Variants in METTL15 observed in about 807,000 individuals in gnomAD.
METTL15 encodes 12S rRNA N(4)-cytidine methyltransferase METTL15.
Under a neutral mutation model 38.3 loss-of-function variants are expected in METTL15, and 34 were observed. The ratio of observed to expected loss-of-function variants is 0.89; its 90% CI spans 0.68 to 1.18. The LOEUF (loss-of-function observed/expected upper bound fraction) is 1.18. Among genes scored for constraint, METTL15 ranks in the 50% most tolerant of loss-of-function variants. The probability of loss-of-function intolerance (pLI) is 0.00; values close to 1 mark genes in which losing one functional copy is unlikely to be tolerated. For missense variants in METTL15, 438 were observed against 498.4 expected, an observed-to-expected ratio of 0.88 and a Z score of 1.15; for synonymous variants, 162 against 170.9, an observed-to-expected ratio of 0.95 and a Z score of 0.41.
At chr11:28,281,389 C>T (rs1743087614) in intron 4 of METTL15, among the ~76,000 whole-genome samples, 1 of 152,158 alleles carries the variant, frequency 6.6e-6, no homozygotes, top group Admixed American at 6.5e-5. Context: ...AAGTTCTCCT[C>T]AGTTTCTTCA....
At chr11:28,357,656 TATC>T (rs1302650662) in intron 4 of METTL15, among the ~76,000 whole-genome samples, 2 of 152,184 alleles carry the variant, frequency 1.3e-5, no homozygotes, top group African/African-American at 4.8e-5. Flanking sequence ...GCTCAATAAA[TATC>T]AACCATCTCA....
chr11:28,141,969 C>T (rs564509794), intron 3 of METTL15, among the ~76,000 whole-genome samples: 6 of 152,150 alleles, frequency 3.9e-5, no homozygotes, highest in East Asian at 3.9e-4. Flanking sequence ...TTGGCCTACA[C>T]GGAGGAATGA....
intron 3 of METTL15, among the ~76,000 whole-genome samples, chr11:28,150,244 A>G (rs1850033805): frequency 1.3e-5 from 2 of 151,956 alleles, no homozygotes; most frequent in Non-Finnish European, 2.9e-5. Context: ...ACACTAGTAT[A>G]GTATTGATCT....
intron 3 of METTL15, among the ~76,000 whole-genome samples, chr11:28,208,438 C>T (rs996523999): frequency 4.6e-5 from 7 of 152,062 alleles, no homozygotes; most frequent in African/African-American, 1.2e-4. Context: ...GTTTCTTAAT[C>T]CTGAGTTCTA....
At chr11:28,239,483 T>G (rs1854190727) in intron 4 of METTL15, among the ~76,000 whole-genome samples, 2 of 152,350 alleles carry the variant, frequency 1.3e-5, no homozygotes, top group Admixed American at 1.3e-4. Context: ...CATCATCTCC[T>G]AATTGGAGTT....
At chr11:28,172,624 T>C (rs1850900016) in intron 3 of METTL15, among the ~76,000 whole-genome samples, 1 of 152,196 alleles carries the variant, frequency 6.6e-6, no homozygotes, top group Non-Finnish European at 1.5e-5. Flanking sequence ...AGTCACCCAA[T>C]ACATATTAAA....
intron 3 of METTL15, among the ~76,000 whole-genome samples, chr11:28,339,584 A>C (rs1849932166): frequency 6.6e-6 from 1 of 151,898 alleles, no homozygotes; most frequent in Non-Finnish European, 1.5e-5. Context: ...GAGAAGTCTA[A>C]CTCAGGTGTA....
At chr11:28,292,963 T>A (rs527560355) in intron 5 of METTL15, among the ~76,000 whole-genome samples, 1 of 152,336 alleles carries the variant, frequency 6.6e-6, no homozygotes, top group South Asian at 2.1e-4. Context: ...TAGCCCTTTG[T>A]CAGATGAGTA....
At chr11:28,164,323 C>G (rs571828151) in intron 3 of METTL15, among the ~76,000 whole-genome samples, 1 of 152,108 alleles carries the variant, frequency 6.6e-6, no homozygotes, top group African/African-American at 2.4e-5. Flanking sequence ...CCATTGCCTT[C>G]AGTTTCAGGG....
At chr11:28,306,555 A>G (rs907055315) in intron 6 of METTL15, among the ~76,000 whole-genome samples, 1 of 152,040 alleles carries the variant, frequency 6.6e-6, no homozygotes, top group African/African-American at 2.4e-5. Flanking sequence ...ATACAATAAC[A>G]TGTTCTCTTT....
intron 6 of METTL15, among the ~76,000 whole-genome samples, chr11:28,450,335 G>A (rs1851109552): frequency 6.6e-6 from 1 of 152,188 alleles, no homozygotes; most frequent in Non-Finnish European, 1.5e-5. Flanking sequence ...TGTATAAAGT[G>A]TTGAAGAAAC....
At chr11:28,122,337 G>A (rs1852281535) in intron 3 of METTL15, among the ~76,000 whole-genome samples, 2 of 93,970 alleles carry the variant, frequency 2.1e-5, no homozygotes, top group Admixed American at 9.2e-5. Context: ...GTGTATATGT[G>A]TGTGTGTGTG....
intron 6 of METTL15, among the ~76,000 whole-genome samples, chr11:28,461,440 A>G (rs1315895178): frequency 3.3e-5 from 5 of 152,090 alleles, no homozygotes; most frequent in Non-Finnish European, 7.4e-5. Flanking sequence ...CACATTAGCA[A>G]CTTTATTAAG....
intron 6 of METTL15, among the ~76,000 whole-genome samples, chr11:28,475,068 C>T (rs915914666): frequency 2.6e-5 from 4 of 152,212 alleles, no homozygotes; most frequent in East Asian, 1.9e-4. Flanking sequence ...ATAAGCAAGA[C>T]GCCTACAGGT....
chr11:28,456,581 C>T (rs1285240533), intron 6 of METTL15, among the ~76,000 whole-genome samples: 2 of 151,870 alleles, frequency 1.3e-5, no homozygotes, highest in Non-Finnish European at 2.9e-5. Context: ...GCTGGGACTA[C>T]AGGTGCACGC....
intron 6 of METTL15, among the ~76,000 whole-genome samples, chr11:28,322,931 A>G (rs1849518207): frequency 6.6e-6 from 1 of 152,226 alleles, no homozygotes; most frequent in African/African-American, 2.4e-5. Context: ...TGGACAAACA[A>G]AATGAATTAT....
intron 3 of METTL15, among the ~76,000 whole-genome samples, chr11:28,141,871 C>T (rs967344666): frequency 6.6e-6 from 1 of 152,126 alleles, no homozygotes; most frequent in Non-Finnish European, 1.5e-5. Flanking sequence ...AGGCAGTTTC[C>T]ATCCTGAACA....
chr11:28,371,243 A>G (rs918942267), intron 5 of METTL15, among the ~76,000 whole-genome samples: 3 of 152,000 alleles, frequency 2.0e-5, no homozygotes, highest in Non-Finnish European at 4.4e-5. Flanking sequence ...TCTTCTGCTT[A>G]TGGTTATCCA....
intron 3 of METTL15, among the ~76,000 whole-genome samples, chr11:28,339,689 A>T (rs1181846032): frequency 6.6e-6 from 1 of 152,140 alleles, no homozygotes; most frequent in Non-Finnish European, 1.5e-5. Context: ...CCTAAAACTG[A>T]TGAAAGACAT....
Sources: gnomAD v4.1 joint callset for allele counts (sites outside exome capture counted in the v4.1 genomes callset) on GRCh38, gnomAD v4.1.1 for gene constraint, MANE v1.5 for transcripts, NCBI Gene and HGNC (gene_info 2026-07-23, HGNC 2026-07-21) for gene names.